The following SORCS2 variants were observed in gnomAD, a reference collection of about 807,000 sequenced individuals.
SORCS2 encodes the protein VPS10 domain-containing receptor SorCS2.
A neutral mutation model predicts 141.6 loss-of-function variants in SORCS2; 100 were observed. That is an observed-to-expected ratio of 0.71 (90% CI 0.60 to 0.83). SORCS2 has a LOEUF of 0.83. Ranked by LOEUF, SORCS2 falls within the 40% of genes least tolerant of loss-of-function variation. The pLI is 0.00. For missense variants in SORCS2, 1,646 were observed against 1,560.2 expected (o/e 1.05, Z -0.93); for synonymous variants, 789 against 676.9 (o/e 1.17, Z -2.57).
intron 1 of SORCS2, among the ~76,000 whole-genome samples, chr4:7,279,230 CAG>C (rs1422845199): frequency 6.6e-6 from 1 of 152,042 alleles, no homozygotes; most frequent in African/African-American, 2.4e-5. Flanking sequence ...GATGTAAAAA[CAG>C]TGTAAAAATA....
chr4:7,314,800 G>GTTTT (rs397880294), intron 1 of SORCS2, among the ~76,000 whole-genome samples: 36 of 109,832 alleles, frequency 3.3e-4, no homozygotes, highest in East Asian at 1.7e-3. Context: ...CCACTGTTCT[G>GTTTT]TTTTTTTTTT....
intron 3 of SORCS2, among the ~76,000 whole-genome samples, chr4:7,604,040 G>A (rs187994449): frequency 1.0e-3 from 158 of 152,212 alleles, no homozygotes; most frequent in Middle Eastern, 3.4e-3. Context: ...TGACTTGTAC[G>A]GTGTGTGTGA....
intron 4 of SORCS2, among the ~76,000 whole-genome samples, chr4:7,646,286 T>C (rs908642431): frequency 6.6e-6 from 1 of 152,036 alleles, no homozygotes; most frequent in Admixed American, 6.5e-5. Context: ...GGGGCTGGGC[T>C]GGGAGGACTT....
chr4:7,473,506 G>C lies in SORCS2; in HGVS notation c.549-58024G>C, dbSNP rs112817005. On this transcript the variant is annotated intron_variant, in intron 2 of 26. Transcript: ENST00000507866. ...CCAGGCAGAGGCAGCAGGAGATGCA[G>C]ACATTCAGAGGCAGGATGCCCATGG... 1.6e-3 allele frequency among the ~76,000 whole-genome samples: 249 copies of C among 152,318 alleles called. 3 individuals carry two copies. The highest frequency in any genetic ancestry group is 5.5e-3 in the African/African-American group (230 of 41,580).
At chr4:7,463,161 C>T (rs970829474) in intron 2 of SORCS2, among the ~76,000 whole-genome samples, 24 of 152,120 alleles carry the variant, frequency 1.6e-4, no homozygotes, top group African/African-American at 5.1e-4. Flanking sequence ...AGCCTGGCCC[C>T]GAAGCCTGGT....
chr4:7,710,712 G>A (rs1725774214), intron 14 of SORCS2, among the ~76,000 whole-genome samples: 1 of 152,190 alleles, frequency 6.6e-6, no homozygotes, highest in African/African-American at 2.4e-5. Context: ...ACCACTCACA[G>A]CCGGGGCCAC....
At chr4:7,260,904 G>A (rs1714274979) in intron 1 of SORCS2, among the ~76,000 whole-genome samples, 1 of 152,306 alleles carries the variant, frequency 6.6e-6, no homozygotes, top group South Asian at 2.1e-4. Flanking sequence ...TCACAATGGG[G>A]ACACCGAGGC....
At chr4:7,667,431 T>G (rs1722568142) in intron 8 of SORCS2, among the ~76,000 whole-genome samples, 2 of 152,202 alleles carry the variant, frequency 1.3e-5, no homozygotes, top group South Asian at 2.1e-4. Context: ...ATCCTAGGCC[T>G]CTGCCAGGCT....
chr4:7,598,658 C>T (rs901092504), intron 3 of SORCS2, among the ~76,000 whole-genome samples: 1 of 152,140 alleles, frequency 6.6e-6, no homozygotes, highest in African/African-American at 2.4e-5. Flanking sequence ...TGCTTTTCTG[C>T]CATAGAAACC....
intron 23 of SORCS2, among the ~76,000 whole-genome samples, chr4:7,732,958 C>T (rs1711818874): frequency 6.6e-6 from 1 of 151,904 alleles, no homozygotes; most frequent in Non-Finnish European, 1.5e-5. Context: ...CCAGCTCTCC[C>T]ATCCCCCTCT....
chr4:7,366,447 C>G (rs112824076), intron 1 of SORCS2, among the ~76,000 whole-genome samples: 3 of 146,978 alleles, frequency 2.0e-5, no homozygotes, highest in African/African-American at 7.6e-5. Context: ...TCAGTCCTCA[C>G]GGTGGATGCC....
At chr4:7,720,495 G>A (rs1726515225) in intron 18 of SORCS2, among the ~76,000 whole-genome samples, 1 of 152,220 alleles carries the variant, frequency 6.6e-6, no homozygotes, top group Non-Finnish European at 1.5e-5. Context: ...CAAAAGGAAA[G>A]TTGATAAATT....
chr4:7,425,523 C>A (rs1035491659), intron 2 of SORCS2, among the ~76,000 whole-genome samples: 6 of 152,170 alleles, frequency 3.9e-5, no homozygotes, highest in Non-Finnish European at 7.4e-5. Context: ...ATACCTAACC[C>A]CTCCTGGATT....
chr4:7,551,137 A>T (rs1261031483), intron 3 of SORCS2, among the ~76,000 whole-genome samples: 4 of 152,194 alleles, frequency 2.6e-5, no homozygotes, highest in Non-Finnish European at 5.9e-5. Context: ...AATATGCTGG[A>T]GCTGTATTTT....
intron 2 of SORCS2, among the ~76,000 whole-genome samples, chr4:7,398,732 G>A (rs189400145): frequency 4.6e-5 from 7 of 152,220 alleles, no homozygotes; most frequent in Admixed American, 3.3e-4. Flanking sequence ...CAGGGTCTGC[G>A]TCATCATTTC....
intron 1 of SORCS2, among the ~76,000 whole-genome samples, chr4:7,273,391 G>A (rs757046509): frequency 1.3e-5 from 2 of 152,124 alleles, no homozygotes; most frequent in Non-Finnish European, 2.9e-5. Context: ...GCATAACCCA[G>A]CTGAAAGCCA....
intron 3 of SORCS2, among the ~76,000 whole-genome samples, chr4:7,594,630 A>G (rs1320106225): frequency 6.6e-6 from 1 of 151,948 alleles, no homozygotes; most frequent in African/African-American, 2.4e-5. Context: ...TCCCTTCCTA[A>G]TTTAGGAAGC....
At chr4:7,562,373 G>T (rs1714657590) in intron 3 of SORCS2, among the ~76,000 whole-genome samples, 1 of 152,150 alleles carries the variant, frequency 6.6e-6, no homozygotes, top group African/African-American at 2.4e-5. Context: ...CATGGCAAGA[G>T]TGGTGGCTAC....
At chr4:7,344,174 T>G (rs145840793) in intron 1 of SORCS2, among the ~76,000 whole-genome samples, 71 of 152,324 alleles carry the variant, frequency 4.7e-4, no homozygotes, top group African/African-American at 1.6e-3. Flanking sequence ...TAACTAACTA[T>G]CAGGCAGTGC....
Sources: allele counts gnomAD v4.1 joint callset (sites outside exome capture counted in the v4.1 genomes callset), GRCh38; gene constraint gnomAD v4.1.1; transcripts MANE v1.5; gene names NCBI Gene and HGNC (gene_info 2026-07-23, HGNC 2026-07-21).